Variants in CACNA1B observed in about 807,000 individuals in gnomAD.
The protein encoded by CACNA1B is calcium voltage-gated channel subunit alpha1 B.
Under a neutral mutation model 247.2 loss-of-function variants are expected in CACNA1B, and 70 were observed. The ratio of observed to expected loss-of-function variants is 0.28; its 90% CI spans 0.23 to 0.35. The LOEUF (loss-of-function observed/expected upper bound fraction) is 0.35, where lower values mean the gene tolerates loss of function less well. Among genes scored for constraint, CACNA1B ranks in the 10% least tolerant of loss-of-function variants. The pLI is 1.00. For missense variants in CACNA1B, 2,367 were observed against 3,197.4 expected (o/e 0.74, Z 6.26); for synonymous variants, 1,231 against 1,294.4 (o/e 0.95, Z 1.05).
Position 137,984,218 on chromosome 9 carries a change from C to A in CACNA1B, c.1737C>A (p.Ala579=). Residue 579 remains alanine, a synonymous_variant, in exon 13 of 47, where the codon GCC becomes GCA. Coordinates refer to ENST00000371372, the MANE Select transcript of CACNA1B (RefSeq NM_000718.4). The stretch of plus-strand genomic sequence containing the variant: ...CCTTTGGGATCAGTGTGCTGCGGGC[C>A]CTCCGCCTGCTGAGGATCTTCAAAG... ...GSSFGISVLR[A]LRLLRIFKVT... 6.3e-7 allele frequency: 1 copy of A among 1,599,734 alleles called. No individual in the cohort carries two copies. Among genetic ancestry groups the A allele is most frequent in the Admixed American group, 1.7e-5 (1 of 57,912 alleles).
chr9:138,023,141 G>A lies in CACNA1B; in HGVS notation c.2398G>A (p.Ala800Thr). ...GGACCCCGAGGAGCGGCTGCGCTTC[G>A]CCACTACGCGCCACCTGCGGCCCGA... The part of the protein sequence containing the change: ...EMDPEERLRF[A>T]TTRHLRPDMK... The change falls in exon 19 of 47, where the codon GCC becomes ACC. Residue 800 changes from alanine (A) to threonine (T), a missense_variant. Around this residue, in one of 12 missense-constraint regions of CACNA1B, gnomAD observed 631 missense variants for 631.1 expected, o/e 1.00. Transcript: ENST00000371372. The A allele has an allele frequency of 6.5e-7, 1 of 1,535,888 alleles. No homozygotes were observed. Among genetic ancestry groups the A allele is most frequent in the Non-Finnish European group, 8.7e-7 (1 of 1,149,088 alleles).
intron 6 of CACNA1B, among the ~76,000 whole-genome samples, chr9:137,934,352 T>C (rs1957640683): frequency 6.6e-6 from 1 of 152,194 alleles, no homozygotes; most frequent in Non-Finnish European, 1.5e-5. Context: ...GTTGCAATAG[T>C]TGAGCAGGTG....
intron 18 of CACNA1B, 64 bp downstream of exon 18, chr9:138,013,299 C>T: frequency 7.8e-7 from 1 of 1,285,204 alleles, no homozygotes. Context: ...CATGGCTGGG[C>T]CCTCCCCAGG....
chr9:138,073,357 C>T lies in CACNA1B; in HGVS notation c.4675-131C>T, dbSNP rs1457691432. ...GCTGCTTAGACTGTGAAGCAGAGAC[C>T]TTTGATTTTAATCTTTTTAACCACT... On this transcript the variant is annotated intron_variant, in intron 32 of 46. Coordinates refer to ENST00000371372, the MANE Select transcript of CACNA1B (RefSeq NM_000718.4). The surrounding 1 kb of genome is among the most constrained non-coding windows in gnomAD (Gnocchi z 6.4). The T allele has an allele frequency of 4.8e-6, 3 of 629,228 alleles. No homozygotes were observed. The highest frequency in any genetic ancestry group is 3.7e-5 in the African/African-American group (2 of 54,528). The allele number at this position is 629,228 out of a possible 1,614,324, so 39.0% of individuals were successfully genotyped here.
intron 11 of CACNA1B, among the ~76,000 whole-genome samples, chr9:137,972,506 C>T (rs1057041316): frequency 6.6e-6 from 1 of 152,084 alleles, no homozygotes; most frequent in African/African-American, 2.4e-5. Context: ...TCCCAGCTCC[C>T]AGTTCCAGCC....
intron 3 of CACNA1B, among the ~76,000 whole-genome samples, chr9:137,902,618 CT>C (rs1957251817): frequency 2.0e-5 from 3 of 152,146 alleles, no homozygotes; most frequent in African/African-American, 7.2e-5. Context: ...CAAAAAGTAA[CT>C]GATTTTCTTA....
chr9:138,091,887 T>A (rs866330042), intron 36 of CACNA1B, among the ~76,000 whole-genome samples: 1 of 151,756 alleles, frequency 6.6e-6, no homozygotes, highest in Non-Finnish European at 1.5e-5. Context: ...AGAGAAAGAG[T>A]ACAAAAGAGA....
intron 36 of CACNA1B, among the ~76,000 whole-genome samples, chr9:138,085,009 A>C (rs1484781791): frequency 2.7e-5 from 4 of 150,772 alleles, no homozygotes; most frequent in African/African-American, 9.8e-5. Flanking sequence ...ATAACTCTTT[A>C]GTAGTAGACC....
At chr9:138,114,004 G>A (rs1005527605) in intron 40 of CACNA1B, among the ~76,000 whole-genome samples, 219 of 152,012 alleles carry the variant, frequency 1.4e-3, no homozygotes, top group Non-Finnish European at 2.7e-3. Flanking sequence ...GCAGGAAGGT[G>A]CCCAACTCCT....
intron 6 of CACNA1B, among the ~76,000 whole-genome samples, chr9:137,941,846 C>T (rs555586701): frequency 2.0e-5 from 3 of 152,276 alleles, no homozygotes; most frequent in South Asian, 4.1e-4. Context: ...GGATCAAGGA[C>T]TTATCTAAGA....
intron 36 of CACNA1B, among the ~76,000 whole-genome samples, chr9:138,094,333 C>T (rs569296438): frequency 4.6e-5 from 7 of 151,016 alleles, no homozygotes; most frequent in Admixed American, 6.6e-5. Flanking sequence ...ATTTTGGAGA[C>T]GGATGGTATT....
At position 138,052,327 on chromosome 9, in the gene CACNA1B, A is replaced by C. The variant is rs993824859; in HGVS notation, c.3807+139A>C. ...ACCCCTGTGTGAGGGGGTTGGGCTC[A>C]CTCAGCTGTAAGCCCCCATTACCCA... On this transcript the variant is annotated intron_variant, in intron 25 of 46. Transcript: ENST00000371372. This position sits in a 1 kb window ranked among gnomAD's most constrained non-coding sequence, Gnocchi z 5.1. 1.7e-6 allele frequency: 1 copy of C among 593,574 alleles called. No individual in the cohort carries two copies. Among genetic ancestry groups the C allele is most frequent in the Non-Finnish European group, 3.0e-6 (1 of 328,954 alleles). The allele number at this position is 593,574 out of a possible 1,614,324, so 36.8% of individuals were successfully genotyped here.
rs752024114 is a variant in CACNA1B, at chr9:138,047,471, G to A, written c.3603+13G>A. ...GATGGTGATAAAGGTGAGATATGTG[G>A]CTGCCCTTGTGACCCCAGTGTTTTG... On this transcript the variant is annotated intron_variant, in intron 23 of 46. Coordinates refer to ENST00000371372, the MANE Select transcript of CACNA1B (RefSeq NM_000718.4). 6.3e-7 allele frequency: 1 copy of A among 1,599,466 alleles called. No homozygotes were observed. The highest frequency in any genetic ancestry group is 1.1e-5 in the South Asian group (1 of 90,802).
Position 138,059,103 on chromosome 9 carries a change from G to A in CACNA1B, c.4498G>A (p.Glu1500Lys), listed in dbSNP as rs12377346. 1 of 1,612,102 alleles carries A rather than the reference G, an allele frequency of 6.2e-7. No individual in the cohort carries two copies. Among genetic ancestry groups the A allele is most frequent in the Non-Finnish European group, 8.5e-7 (1 of 1,178,342 alleles). Residue 1500 changes from glutamate (E) to lysine (K), a missense_variant, in exon 30 of 47, where the codon GAG becomes AAG. By Grantham distance (56) the Glu-to-Lys change is moderately conservative. Transcript: ENST00000371372. This position sits in a 1 kb window ranked among gnomAD's most constrained non-coding sequence, Gnocchi z 4.2. ...GTTCTATGATGCACCCTATGAGTACGAGCTGATGCTGAAATGCCTGAACAT... is the reference window on the plus strand; with the variant it reads ...GTTCTATGATGCACCCTATGAGTACAAGCTGATGCTGAAATGCCTGAACAT... ...MKFYDAPYEY[E>K]LMLKCLNIVF...
chr9:138,090,701 C>CAAAAAAAAAAAAAAAAAAAAA (rs1173964720), intron 36 of CACNA1B, among the ~76,000 whole-genome samples: 1 of 16,584 alleles, frequency 6.0e-5, no homozygotes. Context: ...AACCCATCAG[C>CAAAAAAAAAAAAAAAAAAAAA]AAAAAAAAAA....
At chr9:137,948,149 G>A (rs1248270119) in intron 6 of CACNA1B, among the ~76,000 whole-genome samples, 4 of 151,942 alleles carry the variant, frequency 2.6e-5, no homozygotes, top group South Asian at 2.1e-4. Context: ...CCTGGCTAAC[G>A]TTTGTATTTT....
chr9:138,094,209 C>T (rs1564283267), intron 36 of CACNA1B, among the ~76,000 whole-genome samples: 1 of 151,992 alleles, frequency 6.6e-6, no homozygotes, highest in Non-Finnish European at 1.5e-5. Context: ...ATATAAGTTA[C>T]CTATAGTAGT....
In CACNA1B at chr9:137,954,879, T is replaced by TGTGTGTGTGTGTGTGTGTGTGTGAGA. The variant is rs1440887333; in HGVS notation, c.1071-818_1071-817insTGTGTGTGTGTGTGTGTGTGTGAGAG. 1.8e-3 allele frequency among the ~76,000 whole-genome samples: 260 copies of TGTGTGTGTGTGTGTGTGTGTGTGAGA among 145,200 alleles called. 1 individual carries two copies. The highest frequency in any genetic ancestry group is 6.2e-3 in the African/African-American group (239 of 38,654). Reference sequence around the variant, plus strand: ...GCTTGTGTGTGTGTGTGTGTGTGTGTGAGAGAGAGAGAGAGAGAGAGAGGG... The same window carrying TGTGTGTGTGTGTGTGTGTGTGTGAGA: ...GCTTGTGTGTGTGTGTGTGTGTGTGTGTGTGTGTGTGTGTGTGTGTGTGAGAGAGAGAGAGAGAGAGAGAGAGAGGG... On this transcript the variant is annotated intron_variant, in intron 7 of 46. Transcript: ENST00000371372. This position sits in a 1 kb window ranked among gnomAD's most constrained non-coding sequence, Gnocchi z 4.1.
At chr9:137,945,941 C>T (rs1957790824) in intron 6 of CACNA1B, among the ~76,000 whole-genome samples, 1 of 152,184 alleles carries the variant, frequency 6.6e-6, no homozygotes, top group African/African-American at 2.4e-5. Flanking sequence ...GCCTCAGCCT[C>T]CCAAGTAACT....
Sources: gnomAD v4.1 joint callset for allele counts (sites outside exome capture counted in the v4.1 genomes callset) on GRCh38, gnomAD v4.1.1 for gene constraint, gnomAD v4.1.1 regional missense constraint, Gnocchi (gnomAD v3.1) non-coding constraint, MANE v1.5 for transcripts, NCBI Gene and HGNC (gene_info 2026-07-23, HGNC 2026-07-21) for gene names.